Variants in ASTE1 observed in about 807,000 individuals in gnomAD.
ASTE1 encodes asteroid structure-specific endonuclease 1.
A neutral mutation model predicts 45.8 loss-of-function variants in ASTE1; 49 were observed. That is an observed-to-expected ratio of 1.07 (90% CI 0.85 to 1.36). ASTE1 has a LOEUF of 1.36. ASTE1 is among the 40% of genes most tolerant of loss of function. The pLI is 0.00. For synonymous variants in ASTE1, 296 were observed against 303.9 expected, an observed-to-expected ratio of 0.97 and a Z score of 0.27; for missense variants, 709 against 804.0, an observed-to-expected ratio of 0.88 and a Z score of 1.43.
chr3:131,021,042 A>T (rs958926951), intron 3 of ASTE1, among the ~76,000 whole-genome samples: 2 of 152,224 alleles, frequency 1.3e-5, no homozygotes, highest in Non-Finnish European at 2.9e-5. Context: ...AAACATTTTC[A>T]TGACCGTGGA....
At chr3:131,014,467 C>G in intron 5 of ASTE1, 80 bp from the exon 6 acceptor site, 1 of 1,317,620 alleles carries the variant, frequency 7.6e-7, no homozygotes, top group Non-Finnish European at 1.0e-6. Context: ...ATAGCTTCAA[C>G]AAATGCATCT....
chr3:131,021,774 T>G (rs2063745341), intron 3 of ASTE1, among the ~76,000 whole-genome samples: 1 of 152,178 alleles, frequency 6.6e-6, no homozygotes, highest in South Asian at 2.1e-4. Flanking sequence ...GATGTAGACA[T>G]CTCAAAACTC....
chr3:131,025,421 G>A (rs2063823189), intron 2 of ASTE1, 53 bp downstream of exon 2: 1 of 1,464,978 alleles, frequency 6.8e-7, no homozygotes, highest in Non-Finnish European at 9.1e-7. Context: ...AATAGCAAAT[G>A]TTATGAAGTG....
intron 3 of ASTE1, among the ~76,000 whole-genome samples, chr3:131,023,800 A>G (rs1560063077): frequency 6.6e-6 from 1 of 152,180 alleles, no homozygotes; most frequent in Non-Finnish European, 1.5e-5. Flanking sequence ...GAGCTAAAAG[A>G]GCTAGGTTTG....
rs758588526 is a variant in ASTE1, at chr3:131,018,702, C to T, written c.1317G>A (p.Arg439=). ...GGGTTTCTAACAGAAGCATCTGCCGCCTCCTCAAGGAGAGCTGAAAATACA... is the reference window on the plus strand; with the variant it reads ...GGGTTTCTAACAGAAGCATCTGCCGTCTCCTCAAGGAGAGCTGAAAATACA... The part of the protein sequence containing the change: ...LSRLTELSLR[R]RQMLLLETLK... The change falls in exon 4 of 6, where the codon AGG becomes AGA. Residue 439 remains arginine (R), a synonymous_variant. Transcript: ENST00000264992. The T allele has an allele frequency of 6.2e-7, 1 of 1,613,926 alleles. No individual in the cohort carries two copies. The highest frequency in any genetic ancestry group is 8.5e-7 in the Non-Finnish European group (1 of 1,179,990).
intron 5 of ASTE1, 83 bp downstream of exon 5, chr3:131,016,061 C>G: frequency 1.4e-6 from 2 of 1,408,646 alleles, no homozygotes; most frequent in Non-Finnish European, 1.9e-6. Context: ...TTTTAAGTAA[C>G]TTTGTTGCTT....
Position 131,014,201 on chromosome 3 carries a change from C to A in ASTE1, c.1896G>T (p.Arg632Ser), listed in dbSNP as rs1431073394. ...PKGRSNSKKK[R>S]QKKQNTSCSK... is the part of the protein sequence containing the mutation. Reference sequence around the variant, plus strand: ...AACAGCTGGTATTCTGTTTCTTCTGCCTTTTTTTTTTTGAATTTGATCTAC... The same window carrying A: ...AACAGCTGGTATTCTGTTTCTTCTGACTTTTTTTTTTTGAATTTGATCTAC... The change falls in exon 6 of 6, where the codon AGG (arginine) becomes AGT (serine). Residue 632 changes from arginine (R) to serine (S), a missense_variant. Physicochemically the swap from Arg to Ser is moderately radical, Grantham distance 110 (BLOSUM62 -1). Transcript: ENST00000264992. 1 of 1,612,990 alleles carries A rather than the reference C, an allele frequency of 6.2e-7. No individual in the cohort carries two copies. The highest frequency in any genetic ancestry group is 8.5e-7 in the Non-Finnish European group (1 of 1,179,558).
At position 131,014,252 on chromosome 3, in the gene ASTE1, G is replaced by T. The variant is rs1180788999; in HGVS notation, c.1845C>A (p.Ala615=). ...EYLFNATRSY[A]PAEIFLPKGR... ...CTTTTGGTAGGAATATTTCAGCGGG[G>T]GCATATGACCTTGTGGCATTGAATA... Residue 615 remains alanine, a synonymous_variant, in exon 6 of 6, where the codon GCC becomes GCA. Transcript: ENST00000264992. 1 of 1,613,618 alleles carries T rather than the reference G, an allele frequency of 6.2e-7. No individual in the cohort carries two copies. Among genetic ancestry groups the T allele is most frequent in the Middle Eastern group, 1.7e-4 (1 of 6,058 alleles).
intron 3 of ASTE1, among the ~76,000 whole-genome samples, chr3:131,021,638 A>G (rs899399185): frequency 3.3e-5 from 5 of 152,204 alleles, no homozygotes; most frequent in African/African-American, 1.2e-4. Flanking sequence ...AAAATTTATC[A>G]TGCTGTACGA....
At chr3:131,016,590 A>G in intron 4 of ASTE1, 1 of 507,394 alleles carries the variant, frequency 2.0e-6, no homozygotes, top group Admixed American at 3.3e-5. Flanking sequence ...GATCTTTTCC[A>G]CTGGTCTACT....
At position 131,024,205 on chromosome 3, in the gene ASTE1, T is replaced by G. The variant is rs751953431; in HGVS notation, c.1102A>C (p.Ile368Leu). Residue 368 changes from isoleucine to leucine, a missense_variant, in exon 3 of 6, where the codon ATA becomes CTA. Coordinates refer to ENST00000264992, the MANE Select transcript of ASTE1 (RefSeq NM_014065.4). Reference sequence around the variant, plus strand: ...ATGATTTGCCTGATGGGCTGAGATATTCTGTGGGCATTTGGTTGCTGCATG... The same window carrying G: ...ATGATTTGCCTGATGGGCTGAGATAGTCTGTGGGCATTTGGTTGCTGCATG... ...ENMQQPNAHR[I>L]SQPIRQIIYG... The G allele has an allele frequency of 4.3e-6, 7 of 1,614,090 alleles. No individual in the cohort carries two copies. In the South Asian group the frequency reaches 7.7e-5, roughly 18 times the overall value.
Position 131,014,111 on chromosome 3 carries a change from C to T in ASTE1, c.1986G>A (p.Gly662=), listed in dbSNP as rs765863310. The T allele has an allele frequency of 4.3e-6, 7 of 1,610,146 alleles. No homozygotes were observed. The Admixed American group carries it at 1.2e-4, about 27-fold the overall frequency. ...KCWYEGNNRF[G]LLMVENLEEH... ...CCTCTAAGTTTTCAACCATTAACAA[C>T]CCAAACCGGTTGTTTCCCTCATACC... Residue 662 remains glycine (G), a synonymous_variant, in exon 6 of 6, where the codon GGG becomes GGA. Transcript: ENST00000264992.
chr3:131,017,653 A>C (rs540559889), intron 4 of ASTE1, among the ~76,000 whole-genome samples: 28 of 152,180 alleles, frequency 1.8e-4, no homozygotes, highest in Non-Finnish European at 1.3e-4. Context: ...TATTATATGC[A>C]GATGAACTTG....
intron 3 of ASTE1, 123 bp from the exon 4 acceptor site, chr3:131,018,839 C>A: frequency 1.1e-6 from 1 of 938,984 alleles, no homozygotes; most frequent in Non-Finnish European, 1.6e-6. Flanking sequence ...AACTTATCTT[C>A]TTGTGGGAAA....
At chr3:131,015,101 A>G in intron 5 of ASTE1, 2 of 583,524 alleles carry the variant, frequency 3.4e-6, no homozygotes, top group Non-Finnish European at 6.1e-6. Flanking sequence ...GTCAAAGGCC[A>G]ATTAGTCTTA....
chr3:131,013,928 C>A lies in ASTE1; in HGVS notation c.*129G>T. 1 of 598,786 alleles carries A rather than the reference C, an allele frequency of 1.7e-6. No homozygotes were observed. Among genetic ancestry groups the A allele is most frequent in the Non-Finnish European group, 2.8e-6 (1 of 359,460 alleles). The allele number at this position is 598,786 out of a possible 1,614,324, so 37.1% of individuals were successfully genotyped here. On this transcript the variant is annotated 3_prime_UTR_variant, in exon 6 of 6. Coordinates refer to ENST00000264992, the MANE Select transcript of ASTE1 (RefSeq NM_014065.4). ...ACAAAATACAAAATAACTTGGAATTCAGATTATTGTGATGTTTATCCCCTA... is the reference window on the plus strand; with the variant it reads ...ACAAAATACAAAATAACTTGGAATTAAGATTATTGTGATGTTTATCCCCTA...
rs775998053 is a variant in ASTE1, at chr3:131,024,322, C to G, written c.985G>C (p.Val329Leu). 11 of 1,614,100 alleles carry G rather than the reference C, an allele frequency of 6.8e-6. No individual in the cohort carries two copies. In the Admixed American group the frequency reaches 1.5e-4, roughly 22 times the overall value. The change falls in exon 3 of 6, where the codon GTA becomes CTA. Residue 329 changes from valine to leucine, a missense_variant. Coordinates refer to ENST00000264992, the MANE Select transcript of ASTE1 (RefSeq NM_014065.4). The stretch of plus-strand genomic sequence containing the variant: ...TGGCCTTTAGCTAAAGCCACTAATA[C>G]CCATTCTGGTAAACCAAGATTCAAG... ...DALNLGLPEW[V>L]LVALAKGQLS...
intron 3 of ASTE1, among the ~76,000 whole-genome samples, chr3:131,021,000 AT>A (rs1190054838): frequency 6.6e-6 from 1 of 152,210 alleles, no homozygotes; most frequent in Non-Finnish European, 1.5e-5. Flanking sequence ...CCAATTCTAG[AT>A]ACATTATAGA....
Position 131,025,234 on chromosome 3 carries a change from C to A in ASTE1, c.73G>T (p.Asp25Tyr). 1 of 1,614,136 alleles carries A rather than the reference C, an allele frequency of 6.2e-7. No homozygotes were observed. The highest frequency in any genetic ancestry group is 8.5e-7 in the Non-Finnish European group (1 of 1,180,030). The change falls in exon 3 of 6, where the codon GAC (aspartate) becomes TAC (tyrosine). Residue 25 changes from aspartate (D) to tyrosine (Y), a missense_variant. Physicochemically the swap from Asp to Tyr is radical, Grantham distance 160. Transcript: ENST00000264992. ...NEFFTDLKLR[D>Y]TKIVIDGYAL... ...TAACCATCAATGACAATTTTTGTGT[C>A]CCGCAACTTCAAATCAGTGAAGAAC...
Sources: gnomAD v4.1 joint callset for allele counts (sites outside exome capture counted in the v4.1 genomes callset) on GRCh38, gnomAD v4.1.1 for gene constraint, MANE v1.5 for transcripts, NCBI Gene and HGNC (gene_info 2026-07-23, HGNC 2026-07-21) for gene names.